The following RBMS1 variants were observed in gnomAD, a reference collection of about 807,000 sequenced individuals.
The protein encoded by RBMS1 is RNA-binding motif, single-stranded-interacting protein 1.
In RBMS1, 17 loss-of-function variants were observed where a neutral mutation model predicts 62.3. The observed-to-expected ratio is 0.27, with a 90% CI of 0.19 to 0.41. The LOEUF (loss-of-function observed/expected upper bound fraction) is 0.41. RBMS1 is among the 10% of genes least tolerant of loss of function. The pLI is 1.00. For synonymous variants in RBMS1, 172 were observed against 170.0 expected (o/e 1.01, Z -0.09); for missense variants, 334 against 504.5 (o/e 0.66, Z 3.24).
chr2:160,367,770 G>A (rs186177852), intron 1 of RBMS1, among the ~76,000 whole-genome samples: 102 of 152,222 alleles, frequency 6.7e-4, no homozygotes, highest in Non-Finnish European at 1.5e-5. Flanking sequence ...AAATTCTGAA[G>A]AACGTTTGAT....
At chr2:160,324,628 T>A (rs1482766718) in intron 2 of RBMS1, among the ~76,000 whole-genome samples, 2 of 151,838 alleles carry the variant, frequency 1.3e-5, no homozygotes, top group Non-Finnish European at 2.9e-5. Flanking sequence ...GTTTTCATAA[T>A]AGCTGCTCCT....
At chr2:160,300,878 T>G in intron 5 of RBMS1, 148 bp from the exon 6 acceptor site, 1 of 871,962 alleles carries the variant, frequency 1.1e-6, no homozygotes, top group Non-Finnish European at 1.6e-6. Flanking sequence ...CTATTCTACC[T>G]TTTATCTAAC....
intron 3 of RBMS1, 23 bp from the exon 4 acceptor site, chr2:160,313,270 G>A (rs926802931): frequency 1.2e-6 from 2 of 1,606,560 alleles, no homozygotes; most frequent in African/African-American, 1.3e-5. Context: ...AACACACTTA[G>A]TATTTAAGCC....
chr2:160,316,164 T>C (rs1690209877), intron 3 of RBMS1, among the ~76,000 whole-genome samples: 1 of 152,224 alleles, frequency 6.6e-6, no homozygotes, highest in South Asian at 2.1e-4. Context: ...TAACATGTTA[T>C]CTAACTTTAT....
chr2:160,468,853 A>G (rs549057483), intron 1 of RBMS1, among the ~76,000 whole-genome samples: 6 of 152,230 alleles, frequency 3.9e-5, no homozygotes, highest in Non-Finnish European at 8.8e-5. Flanking sequence ...TAGCTAAATC[A>G]TGGCTCACAG....
intron 1 of RBMS1, among the ~76,000 whole-genome samples, chr2:160,478,972 G>A (rs1245020971): frequency 6.6e-6 from 1 of 152,204 alleles, no homozygotes; most frequent in Non-Finnish European, 1.5e-5. Context: ...GCATTAGGAA[G>A]GTGGTTCCCA....
chr2:160,334,122 A>G (rs1391004529), intron 2 of RBMS1, among the ~76,000 whole-genome samples: 4 of 152,186 alleles, frequency 2.6e-5, no homozygotes, highest in Non-Finnish European at 5.9e-5. Context: ...ATGTTCACAG[A>G]GCATTTATCT....
Position 160,287,180 on chromosome 2 carries a change from A to T in RBMS1, c.641-96T>A, listed in dbSNP as rs1346131499. ...AAATAGGAATAGTGTTCACGCTATT[A>T]GAAAATTCATACAACACTTTAAGGC... is the stretch of plus-strand genomic sequence containing the variant. On this transcript the variant is annotated intron_variant, in intron 6 of 13. Coordinates refer to ENST00000348849, the MANE Select transcript of RBMS1 (RefSeq NM_016836.4). 2.0e-6 allele frequency: 3 copies of T among 1,499,386 alleles called. No individual in the cohort carries two copies. The East Asian group carries it at 6.8e-5, about 34-fold the overall frequency. 92.9% of individuals were successfully genotyped at this position (1,499,386 alleles called of 1,614,324 possible).
At chr2:160,404,152 T>C (rs1050729331) in intron 1 of RBMS1, among the ~76,000 whole-genome samples, 2 of 152,168 alleles carry the variant, frequency 1.3e-5, no homozygotes, top group Non-Finnish European at 2.9e-5. Flanking sequence ...GAACCAATCA[T>C]CTTTATTTAG....
intron 1 of RBMS1, among the ~76,000 whole-genome samples, chr2:160,385,559 T>A (rs1424793882): frequency 2.0e-5 from 3 of 152,126 alleles, no homozygotes; most frequent in Non-Finnish European, 4.4e-5. Context: ...TGTTTTATCA[T>A]CTGAAACTCT....
intron 4 of RBMS1, among the ~76,000 whole-genome samples, chr2:160,306,190 C>T (rs1427323903): frequency 6.6e-6 from 1 of 150,806 alleles, no homozygotes; most frequent in Non-Finnish European, 1.5e-5. Flanking sequence ...AGTGGACTTT[C>T]TTTTTAAGAA....
chr2:160,435,903 G>C (rs1314078682), intron 1 of RBMS1, among the ~76,000 whole-genome samples: 1 of 152,110 alleles, frequency 6.6e-6, no homozygotes, highest in Non-Finnish European at 1.5e-5. Flanking sequence ...AATGAGAATG[G>C]ATAATTTGAC....
chr2:160,479,959 C>T (rs953662868), intron 1 of RBMS1, among the ~76,000 whole-genome samples: 133 of 152,044 alleles, frequency 8.7e-4, no homozygotes, highest in Non-Finnish European at 1.8e-3. Context: ...AAGCTTAAAA[C>T]TTTCAATATA....
intron 1 of RBMS1, among the ~76,000 whole-genome samples, chr2:160,411,078 G>A (rs1696012536): frequency 6.6e-6 from 1 of 152,132 alleles, no homozygotes; most frequent in Admixed American, 6.5e-5. Context: ...AGACTTTGCT[G>A]CCTGGGCTGT....
chr2:160,314,439 A>G (rs1340783074), intron 3 of RBMS1, among the ~76,000 whole-genome samples: 2 of 152,184 alleles, frequency 1.3e-5, no homozygotes, highest in Non-Finnish European at 2.9e-5. Flanking sequence ...ATTTACTTAC[A>G]GAAATATTAC....
intron 2 of RBMS1, among the ~76,000 whole-genome samples, chr2:160,366,691 G>A (rs1006974605): frequency 3.3e-5 from 5 of 152,212 alleles, no homozygotes; most frequent in Non-Finnish European, 5.9e-5. Flanking sequence ...TGAAAGGGCA[G>A]AATTGAGTTC....
intron 1 of RBMS1, among the ~76,000 whole-genome samples, chr2:160,438,482 A>G (rs1205780347): frequency 2.0e-5 from 3 of 152,082 alleles, no homozygotes; most frequent in Admixed American, 6.6e-5. Context: ...TGCTGCCTTC[A>G]AGCATCTGTT....
At chr2:160,307,533 G>A (rs1009285507) in intron 4 of RBMS1, among the ~76,000 whole-genome samples, 3 of 152,048 alleles carry the variant, frequency 2.0e-5, no homozygotes, top group African/African-American at 4.8e-5. Context: ...CGTTATCTGC[G>A]TTTCTTTTCC....
At chr2:160,362,842 C>CA (rs980047237) in intron 2 of RBMS1, among the ~76,000 whole-genome samples, 9 of 148,874 alleles carry the variant, frequency 6.0e-5, no homozygotes, top group East Asian at 2.0e-4. Context: ...CCCTTCCTCC[C>CA]AAAAAAAAAG....
Sources: allele counts gnomAD v4.1 joint callset (sites outside exome capture counted in the v4.1 genomes callset), GRCh38; gene constraint gnomAD v4.1.1; transcripts MANE v1.5; gene names NCBI Gene and HGNC (gene_info 2026-07-23, HGNC 2026-07-21).